ANAPC7: variants seen among roughly 807,000 people sequenced by gnomAD.
The protein encoded by ANAPC7 is anaphase promoting complex subunit 7, also known as anaphase-promoting complex subunit 7.
A neutral mutation model predicts 63.3 loss-of-function variants in ANAPC7; 25 were observed. That is an observed-to-expected ratio of 0.39 (90% CI 0.29 to 0.55). ANAPC7 has a LOEUF of 0.55. Ranked by LOEUF, ANAPC7 falls within the 20% of genes least tolerant of loss-of-function variation. The pLI, the probability that ANAPC7 is intolerant of heterozygous loss-of-function variation, is 0.57. For missense variants in ANAPC7, 516 were observed against 691.7 expected (o/e 0.75, Z 2.85); for synonymous variants, 241 against 251.7 (o/e 0.96, Z 0.40).
At position 110,381,809 on chromosome 12, in the gene ANAPC7, T is replaced by C. The variant is rs1375789006; in HGVS notation, c.1075A>G (p.Ile359Val). Reference sequence around the variant, plus strand: ...CGTATGGCCTCCCGAAAGTGGATTATTGCTTCTTGGACTCTGCCCATGTTC... The same window carrying C: ...CGTATGGCCTCCCGAAAGTGGATTACTGCTTCTTGGACTCTGCCCATGTTC... ...LRNMGRVQEA[I>V]IHFREAIRLA... Residue 359 changes from isoleucine (I) to valine (V), a missense_variant, in exon 8 of 11, where the codon ATA becomes GTA. Ile to Val is a conservative substitution (Grantham distance 29). This residue lies in a region of ANAPC7 where 199 missense variants were observed against 249.3 expected (regional missense o/e 0.80). Coordinates refer to ENST00000455511, the MANE Select transcript of ANAPC7 (RefSeq NM_016238.3). The C allele has an allele frequency of 6.2e-7, 1 of 1,614,138 alleles. No homozygotes were observed. Among genetic ancestry groups the C allele is most frequent in the South Asian group, 1.1e-5 (1 of 91,090 alleles).
At position 110,389,498 on chromosome 12, in the gene ANAPC7, A is replaced by G. The variant is rs545841023; in HGVS notation, c.409-875T>C. 1.5e-4 allele frequency among the ~76,000 whole-genome samples: 23 copies of G among 152,348 alleles called. No individual in the cohort carries two copies. In the South Asian group the frequency reaches 3.7e-3, roughly 25 times the overall value. ...TTTGGCCCGTAGGTACTAACTCACT[A>G]AAGTAATGCTACAAAAATCAGCTAC... On this transcript the variant is annotated intron_variant, in intron 3 of 10. Coordinates refer to ENST00000455511, the MANE Select transcript of ANAPC7 (RefSeq NM_016238.3).
rs1306028353 is a variant in ANAPC7 at position 110,382,455 on chromosome 12, A to ACATATAT, written c.935+387_935+388insATATATG. 2.1e-4 allele frequency among the ~76,000 whole-genome samples: 15 copies of ACATATAT among 70,466 alleles called. 1 individual carries two copies. The highest frequency in any genetic ancestry group is 3.3e-4 in the Non-Finnish European group (12 of 36,466). 46.2% of individuals were successfully genotyped at this position (70,466 alleles called of 152,430 possible). The stretch of plus-strand genomic sequence containing the variant: ...GATTATCCTTTTAAAAAAAAAAAAA[A>ACATATAT]AAAAAAATATATATATATATATATA... On this transcript the variant is annotated intron_variant, in intron 7 of 10. Coordinates refer to ENST00000455511, the MANE Select transcript of ANAPC7 (RefSeq NM_016238.3).
At chr12:110,380,375 G>A (rs1180207732) in intron 8 of ANAPC7, among the ~76,000 whole-genome samples, 3 of 150,570 alleles carry the variant, frequency 2.0e-5, no homozygotes, top group African/African-American at 7.3e-5. Context: ...AAAATAGGCC[G>A]GTTGTGGTGG....
chr12:110,396,822 C>A (rs892530751), intron 1 of ANAPC7, among the ~76,000 whole-genome samples: 3 of 151,786 alleles, frequency 2.0e-5, no homozygotes, highest in African/African-American at 4.8e-5. Flanking sequence ...GCCACCAGGC[C>A]CTTTTAACAG....
chr12:110,381,334 G>T (rs28637922), intron 8 of ANAPC7, among the ~76,000 whole-genome samples: 49,418 of 151,272 alleles, frequency 0.33, 8,440 homozygotes, highest in African/African-American at 0.39. Flanking sequence ...ATGTTTTTTT[G>T]TTGTTGTTGT....
chr12:110,398,187 G>A (rs550598316), intron 1 of ANAPC7, among the ~76,000 whole-genome samples: 214 of 151,266 alleles, frequency 1.4e-3, no homozygotes, highest in African/African-American at 5.1e-3. Flanking sequence ...CAGAGGTTGG[G>A]GTGAGCCAAG....
Position 110,381,848 on chromosome 12 carries a change from C to A in ANAPC7, c.1036G>T (p.Gly346Ter). The A allele has an allele frequency of 6.2e-7, 1 of 1,613,614 alleles. No individual in the cohort carries two copies. Among genetic ancestry groups the A allele is most frequent in the Non-Finnish European group, 8.5e-7 (1 of 1,179,920 alleles). Reference protein sequence around the residue: ...SNSVQALLLKGAALRNMGRVQ... With the variant: ...SNSVQALLLK The stretch of plus-strand genomic sequence containing the variant: ...CTGCCCATGTTCCTAAGTGCTGCTC[C>A]CTTAAGTAGCAGAGCTTGAACACTA... Residue 346 changes from glycine (G) to a stop codon, truncating the protein, a stop_gained, in exon 8 of 11, where the codon GGA (glycine) becomes TGA (stop). Coordinates refer to ENST00000455511, the MANE Select transcript of ANAPC7 (RefSeq NM_016238.3). LOFTEE classifies it high-confidence loss of function.
intron 1 of ANAPC7, among the ~76,000 whole-genome samples, chr12:110,400,831 G>C (rs2137997630): frequency 6.6e-6 from 1 of 151,690 alleles, no homozygotes; most frequent in South Asian, 2.1e-4. Flanking sequence ...GGGATCACTT[G>C]AGGTCAGGAG....
chr12:110,390,755 T>A (rs1481508353), intron 3 of ANAPC7, among the ~76,000 whole-genome samples: 4 of 152,176 alleles, frequency 2.6e-5, no homozygotes, highest in Admixed American at 2.0e-4. Flanking sequence ...AATAAAAAGT[T>A]AAATTTAAGA....
chr12:110,383,035 C>G lies in ANAPC7; in HGVS notation c.818-75G>C, dbSNP rs1353885053. The G allele has an allele frequency of 4.5e-6, 5 of 1,108,842 alleles. No homozygotes were observed. In the African/African-American group the frequency reaches 7.8e-5, roughly 17 times the overall value. 68.7% of individuals were successfully genotyped at this position (1,108,842 alleles called of 1,614,324 possible). ...GGGTCCCACATACAGGAGTAGCACCCAACATCAGACCCCATGCTGAGGCCC... is the reference window on the plus strand; with the variant it reads ...GGGTCCCACATACAGGAGTAGCACCGAACATCAGACCCCATGCTGAGGCCC... On this transcript the variant is annotated intron_variant, in intron 6 of 10. Transcript: ENST00000455511.
chr12:110,392,455 C>T (rs1442062552), intron 3 of ANAPC7, among the ~76,000 whole-genome samples: 1 of 152,108 alleles, frequency 6.6e-6, no homozygotes. Context: ...ATACACCAGG[C>T]CCCTACTGCT....
At chr12:110,402,928 G>A (rs182032398) in intron 1 of ANAPC7, among the ~76,000 whole-genome samples, 309 of 151,968 alleles carry the variant, frequency 2.0e-3, no homozygotes, top group Non-Finnish European at 3.7e-3. Flanking sequence ...TTTTCGTAGA[G>A]GCAGGGTCTC....
chr12:110,399,394 T>A (rs912036901), intron 1 of ANAPC7, among the ~76,000 whole-genome samples: 7 of 151,580 alleles, frequency 4.6e-5, no homozygotes, highest in African/African-American at 1.5e-4. Context: ...ATCCCAACAC[T>A]TTGGGAGGTT....
At chr12:110,399,794 CAA>C (rs60764482) in intron 1 of ANAPC7, among the ~76,000 whole-genome samples, 748 of 60,656 alleles carry the variant, frequency 0.012, 7 homozygotes, top group African/African-American at 0.039. Context: ...CTGTCTCAGA[CAA>C]AAAAAAAAAA....
intron 5 of ANAPC7, chr12:110,387,283 G>A (rs1592910887): frequency 7.9e-6 from 1 of 126,908 alleles, no homozygotes; most frequent in Non-Finnish European, 1.7e-5. Context: ...GAGAGAGAGA[G>A]AGACAGAGAG....
intron 6 of ANAPC7, among the ~76,000 whole-genome samples, chr12:110,385,134 G>A (rs1015678013): frequency 6.6e-6 from 1 of 152,098 alleles, no homozygotes; most frequent in Non-Finnish European, 1.5e-5. Context: ...GGGTGTGGTG[G>A]CGGGCGCCTA....
In ANAPC7 at chr12:110,381,777, T is replaced by C; in HGVS notation, c.1107A>G (p.Ala369=). ...IIHFREAIRL[A]PCRLDCYEGL... ...CTTCATAACAATCTAAGCGACAAGG[T>C]GCGAGCCGTATGGCCTCCCGAAAGT... The change falls in exon 8 of 11, where the codon GCA becomes GCG. Residue 369 remains alanine (A), a synonymous_variant. Transcript: ENST00000455511. 6.2e-7 allele frequency: 1 copy of C among 1,613,720 alleles called. No individual in the cohort carries two copies. Among genetic ancestry groups the C allele is most frequent in the Admixed American group, 1.7e-5 (1 of 60,004 alleles).
At chr12:110,392,832 G>C (rs554715525) in intron 3 of ANAPC7, among the ~76,000 whole-genome samples, 8 of 152,022 alleles carry the variant, frequency 5.3e-5, no homozygotes, top group African/African-American at 1.9e-4. Flanking sequence ...TTTCACTCTT[G>C]TTGCCCAGGC....
intron 7 of ANAPC7, among the ~76,000 whole-genome samples, chr12:110,382,451 AAAAAAAAAAAATATAT>A (rs1881960105): frequency 1.4e-5 from 1 of 69,624 alleles, no homozygotes; most frequent in Non-Finnish European, 3.0e-5. Context: ...TAAAAAAAAA[AAAAAAAAAAAATATAT>A]ATATATATAT....
Sources: gnomAD v4.1 joint callset for allele counts (sites outside exome capture counted in the v4.1 genomes callset) on GRCh38, gnomAD v4.1.1 for gene constraint, gnomAD v4.1.1 regional missense constraint, MANE v1.5 for transcripts, NCBI Gene and HGNC (gene_info 2026-07-23, HGNC 2026-07-21) for gene names.